The following CNTN5 variants were observed in gnomAD, a reference collection of about 807,000 sequenced individuals.
CNTN5 encodes contactin-5.
CNTN5 carries 77 observed loss-of-function variants against 129.1 expected under a neutral mutation model. The observed-to-expected ratio is 0.60, with a 90% confidence interval of 0.50 to 0.72. CNTN5 has a LOEUF of 0.72. Among genes scored for constraint, CNTN5 ranks in the 30% least tolerant of loss-of-function variants. The pLI, the probability that CNTN5 is intolerant of heterozygous loss-of-function variation, is 0.00. For synonymous variants in CNTN5, 509 were observed against 465.6 expected (o/e 1.09, Z -1.20); for missense variants, 1,478 against 1,328.8 (o/e 1.11, Z -1.75).
intron 3 of CNTN5, among the ~76,000 whole-genome samples, chr11:99,760,843 AG>A (rs1944555410): frequency 6.6e-6 from 1 of 152,088 alleles, no homozygotes; most frequent in African/African-American, 2.4e-5. Flanking sequence ...ACACACACAC[AG>A]AGGTTTGTTT....
chr11:99,307,374 T>A (rs529317307), intron 1 of CNTN5, among the ~76,000 whole-genome samples: 1 of 152,324 alleles, frequency 6.6e-6, no homozygotes, highest in African/African-American at 2.4e-5. Flanking sequence ...TGTTGTGTTT[T>A]GTTTTGTTTT....
intron 12 of CNTN5, 27 bp downstream of exon 12, chr11:100,071,861 G>T: frequency 1.4e-6 from 2 of 1,423,342 alleles, no homozygotes; most frequent in South Asian, 2.8e-5. Flanking sequence ...TGAATAAATT[G>T]AAAAAAAAAA....
intron 7 of CNTN5, among the ~76,000 whole-genome samples, chr11:99,939,397 A>G (rs1203785133): frequency 6.6e-6 from 1 of 152,110 alleles, no homozygotes; most frequent in Non-Finnish European, 1.5e-5. Context: ...ATTAACCTCA[A>G]AATGATTGAG....
chr11:99,501,048 T>G (rs1360011684), intron 2 of CNTN5, among the ~76,000 whole-genome samples: 1 of 152,148 alleles, frequency 6.6e-6, no homozygotes, highest in Non-Finnish European at 1.5e-5. Flanking sequence ...ATTCTCTGTT[T>G]TGTGTGTGTT....
chr11:99,821,436 T>A (rs1460381113), intron 4 of CNTN5, among the ~76,000 whole-genome samples: 2 of 152,174 alleles, frequency 1.3e-5, no homozygotes, highest in South Asian at 2.1e-4. Flanking sequence ...GAAAATCTGG[T>A]CAGTTACATA....
intron 3 of CNTN5, among the ~76,000 whole-genome samples, chr11:99,676,111 A>G (rs573557909): frequency 9.9e-5 from 15 of 152,262 alleles, no homozygotes; most frequent in Admixed American, 7.2e-4. Flanking sequence ...CATGTAATAA[A>G]TAGTTAATTA....
intron 1 of CNTN5, among the ~76,000 whole-genome samples, chr11:99,040,279 G>A (rs1184270897): frequency 6.6e-6 from 1 of 152,116 alleles, no homozygotes; most frequent in Admixed American, 6.6e-5. Context: ...ATTTGTGTGT[G>A]TGTGTTTTAA....
Position 100,027,519 on chromosome 11 carries a change from G to A in CNTN5, c.980+25383G>A, listed in dbSNP as rs932646191. On this transcript the variant is annotated intron_variant, in intron 9 of 24. Coordinates refer to ENST00000524871, the MANE Select transcript of CNTN5 (RefSeq NM_014361.4). ...CTGGCCTGTATAAATTCTGAGCACT[G>A]GTCCTTCTAATCCTTTCAGTGTGTC... 2.6e-5 allele frequency among the ~76,000 whole-genome samples: 4 copies of A among 152,224 alleles called. No homozygotes were observed. The South Asian group carries it at 6.2e-4, about 24-fold the overall frequency.
chr11:99,662,346 T>C (rs1185767840), intron 3 of CNTN5, among the ~76,000 whole-genome samples: 1 of 152,202 alleles, frequency 6.6e-6, no homozygotes, highest in Non-Finnish European at 1.5e-5. Flanking sequence ...AAGCACTGTG[T>C]AGACAATCAT....
intron 10 of CNTN5, among the ~76,000 whole-genome samples, chr11:100,063,386 A>C (rs1038754346): frequency 3.3e-5 from 5 of 152,056 alleles, no homozygotes; most frequent in Non-Finnish European, 5.9e-5. Flanking sequence ...AATAGAAAAA[A>C]AAAAAAATCT....
At chr11:100,283,346 T>C (rs1026215643) in intron 18 of CNTN5, among the ~76,000 whole-genome samples, 1 of 152,044 alleles carries the variant, frequency 6.6e-6, no homozygotes, top group Non-Finnish European at 1.5e-5. Context: ...TCTCCTAAAG[T>C]GGGAGGAAGG....
intron 3 of CNTN5, among the ~76,000 whole-genome samples, chr11:99,697,022 C>G (rs1231359487): frequency 6.6e-6 from 1 of 151,866 alleles, no homozygotes; most frequent in Non-Finnish European, 1.5e-5. Flanking sequence ...CATGAGTCAA[C>G]TGGAAACTCT....
At chr11:100,335,750 A>C (rs1040834977) in intron 21 of CNTN5, among the ~76,000 whole-genome samples, 23 of 149,656 alleles carry the variant, frequency 1.5e-4, no homozygotes, top group Non-Finnish European at 3.4e-4. Flanking sequence ...CCTGGGCAAT[A>C]GCGTGAGACT....
chr11:99,618,085 G>A (rs752668289), intron 3 of CNTN5, among the ~76,000 whole-genome samples: 39 of 152,090 alleles, frequency 2.6e-4, no homozygotes, highest in Non-Finnish European at 5.0e-4. Context: ...TCAAGGATGA[G>A]AATTTTAAAA....
chr11:100,120,297 A>G (rs769067481), intron 13 of CNTN5, among the ~76,000 whole-genome samples: 3 of 151,980 alleles, frequency 2.0e-5, no homozygotes, highest in Non-Finnish European at 2.9e-5. Context: ...AAGTTATCCA[A>G]TTTACACCAC....
chr11:99,903,954 C>T (rs1212772471), intron 6 of CNTN5, among the ~76,000 whole-genome samples: 1 of 152,044 alleles, frequency 6.6e-6, no homozygotes, highest in Non-Finnish European at 1.5e-5. Flanking sequence ...AATCAGACCA[C>T]AATGAGACAT....
At chr11:99,286,986 T>C (rs1410822065) in intron 1 of CNTN5, among the ~76,000 whole-genome samples, 1 of 152,192 alleles carries the variant, frequency 6.6e-6, no homozygotes, top group African/African-American at 2.4e-5. Flanking sequence ...CAAACATAAC[T>C]CTTTCAACAA....
At chr11:99,061,490 T>C (rs955934910) in intron 1 of CNTN5, among the ~76,000 whole-genome samples, 3 of 152,042 alleles carry the variant, frequency 2.0e-5, no homozygotes, top group African/African-American at 7.2e-5. Flanking sequence ...ACGTGGAATA[T>C]GGACAGACCT....
intron 3 of CNTN5, among the ~76,000 whole-genome samples, chr11:99,738,883 C>A (rs1943799898): frequency 6.6e-6 from 1 of 152,044 alleles, no homozygotes; most frequent in Admixed American, 6.6e-5. Flanking sequence ...TGTCATGAAG[C>A]AAAATATTAG....
Sources: gnomAD v4.1 joint callset for allele counts (sites outside exome capture counted in the v4.1 genomes callset) on GRCh38, gnomAD v4.1.1 for gene constraint, MANE v1.5 for transcripts, NCBI Gene and HGNC (gene_info 2026-07-23, HGNC 2026-07-21) for gene names.